The following KHDRBS2 variants were observed in gnomAD, a reference collection of about 807,000 sequenced individuals.
KHDRBS2 encodes the protein KH RNA binding domain containing, signal transduction associated 2, also known as KH domain-containing, RNA-binding, signal transduction-associated protein 2.
A neutral mutation model predicts 44.3 loss-of-function variants in KHDRBS2; 26 were observed. That is an observed-to-expected ratio of 0.59 (90% CI 0.43 to 0.81). KHDRBS2 has a LOEUF of 0.81. Among genes scored for constraint, KHDRBS2 ranks in the 40% least tolerant of loss-of-function variants. The probability of loss-of-function intolerance (pLI) is 0.00; values close to 1 mark genes in which losing one functional copy is unlikely to be tolerated. For synonymous variants in KHDRBS2, 194 were observed against 151.1 expected (o/e 1.28, Z -2.08); for missense variants, 476 against 433.1 (o/e 1.10, Z -0.88).
intron 4 of KHDRBS2, among the ~76,000 whole-genome samples, chr6:61,953,546 T>G (rs1765222912): frequency 6.6e-6 from 1 of 152,126 alleles, no homozygotes; most frequent in Non-Finnish European, 1.5e-5. Flanking sequence ...CATTTTGACA[T>G]AGCTGCTCCC....
At chr6:61,964,289 G>A (rs1254178291) in intron 4 of KHDRBS2, among the ~76,000 whole-genome samples, 1 of 151,974 alleles carries the variant, frequency 6.6e-6, no homozygotes, top group Non-Finnish European at 1.5e-5. Flanking sequence ...AACATTTTTA[G>A]CCTGTTCACA....
chr6:61,581,605 T>C, the KHDRBS2 span, among the ~76,000 whole-genome samples: 2 of 147,612 alleles, frequency 1.4e-5, no homozygotes, highest in South Asian at 4.2e-4. Context: ...CAATATACAA[T>C]ATAATATATA....
chr6:61,637,332 T>C, the KHDRBS2 span, among the ~76,000 whole-genome samples: 1 of 152,256 alleles, frequency 6.6e-6, no homozygotes, highest in African/African-American at 2.4e-5. Context: ...TGGTTTCCAG[T>C]TTCATCCATG....
intron 1 of KHDRBS2, among the ~76,000 whole-genome samples, chr6:62,215,543 C>T (rs1226399808): frequency 1.3e-5 from 2 of 151,556 alleles, no homozygotes; most frequent in Admixed American, 6.6e-5. Flanking sequence ...TGTGAAGATG[C>T]CAGCCCCAAC....
At chr6:61,662,087 A>T in the KHDRBS2 span, among the ~76,000 whole-genome samples, 1 of 152,100 alleles carries the variant, frequency 6.6e-6, no homozygotes, top group African/African-American at 2.4e-5. Flanking sequence ...CCTCAGAAAT[A>T]ATGCTGCATA....
chr6:61,977,053 T>C (rs1389213110), intron 4 of KHDRBS2, among the ~76,000 whole-genome samples: 4 of 152,166 alleles, frequency 2.6e-5, no homozygotes, highest in Non-Finnish European at 5.9e-5. Flanking sequence ...AAATAGATTA[T>C]GTGACTAGAT....
intron 4 of KHDRBS2, among the ~76,000 whole-genome samples, chr6:61,934,467 G>C (rs2127369784): frequency 6.6e-6 from 1 of 152,218 alleles, no homozygotes; most frequent in East Asian, 1.9e-4. Flanking sequence ...AGCTGTAATA[G>C]AGTATATGCA....
intron 6 of KHDRBS2, among the ~76,000 whole-genome samples, chr6:61,747,993 C>T (rs1777104820): frequency 6.6e-6 from 1 of 152,032 alleles, no homozygotes; most frequent in Non-Finnish European, 1.5e-5. Context: ...AGTTCTGATC[C>T]TTAATATTCT....
intron 2 of KHDRBS2, among the ~76,000 whole-genome samples, chr6:62,050,647 T>G (rs185687892): frequency 6.6e-6 from 1 of 151,906 alleles, no homozygotes; most frequent in South Asian, 2.1e-4. Context: ...GGAAAACTCA[T>G]GGTAAATGCT....
chr6:61,648,747 A>G, the KHDRBS2 span, among the ~76,000 whole-genome samples: 58 of 152,282 alleles, frequency 3.8e-4, no homozygotes, highest in Non-Finnish European at 6.6e-4. Flanking sequence ...TGGCCTGAGT[A>G]AAATATAAAT....
intron 6 of KHDRBS2, among the ~76,000 whole-genome samples, chr6:61,869,946 C>A (rs1327059281): frequency 6.8e-6 from 1 of 147,436 alleles, no homozygotes; most frequent in African/African-American, 2.6e-5. Flanking sequence ...GGGTAGACAC[C>A]GAACTAGCTG....
chr6:61,928,991 C>A (rs1388974571), intron 4 of KHDRBS2, among the ~76,000 whole-genome samples: 2 of 152,136 alleles, frequency 1.3e-5, no homozygotes, highest in East Asian at 3.9e-4. Flanking sequence ...TAATACTTAT[C>A]ACACAATATC....
chr6:61,610,339 A>G, the KHDRBS2 span, among the ~76,000 whole-genome samples: 1 of 152,194 alleles, frequency 6.6e-6, no homozygotes, highest in African/African-American at 2.4e-5. Flanking sequence ...TATATTTAAA[A>G]CTTGCATTTG....
intron 2 of KHDRBS2, among the ~76,000 whole-genome samples, chr6:62,079,887 T>C (rs1346919657): frequency 6.6e-6 from 1 of 151,990 alleles, no homozygotes; most frequent in East Asian, 1.9e-4. Context: ...AATCATACAA[T>C]ATAACAGTTT....
chr6:61,914,514 TAGGGGGA>T (rs1371545393), intron 4 of KHDRBS2, among the ~76,000 whole-genome samples: 1 of 72,652 alleles, frequency 1.4e-5, no homozygotes, highest in African/African-American at 5.5e-5. Context: ...TGTTGTGGGG[TAGGGGGA>T]GGGGGGAGGG....
At chr6:61,668,150 C>T in the KHDRBS2 span, among the ~76,000 whole-genome samples, 72 of 150,912 alleles carry the variant, frequency 4.8e-4, no homozygotes, top group African/African-American at 1.7e-3. Context: ...AAATACAGAA[C>T]TCTTAAAATG....
chr6:61,878,486 G>T (rs1214407932), intron 6 of KHDRBS2, among the ~76,000 whole-genome samples: 6 of 151,904 alleles, frequency 3.9e-5, no homozygotes, highest in Non-Finnish European at 8.8e-5. Flanking sequence ...CTGTCTAAAT[G>T]ACACTTTTGT....
At chr6:61,877,370 A>C (rs371782988) in intron 6 of KHDRBS2, among the ~76,000 whole-genome samples, 46 of 152,156 alleles carry the variant, frequency 3.0e-4, no homozygotes, top group African/African-American at 1.1e-3. Flanking sequence ...CTGGGAGCAG[A>C]AATAGAAAAT....
At chr6:62,202,507 G>T (rs1022324538) in intron 1 of KHDRBS2, among the ~76,000 whole-genome samples, 2 of 150,542 alleles carry the variant, frequency 1.3e-5, no homozygotes, top group South Asian at 2.1e-4. Flanking sequence ...CAGAGAGAGA[G>T]ATTTTTTTTT....
Sources: gnomAD v4.1 joint callset for allele counts (sites outside exome capture counted in the v4.1 genomes callset) on GRCh38, gnomAD v4.1.1 for gene constraint, MANE v1.5 for transcripts, NCBI Gene and HGNC (gene_info 2026-07-23, HGNC 2026-07-21) for gene names.